PAK2: variants seen among roughly 807,000 people sequenced by gnomAD.
PAK2 encodes serine/threonine-protein kinase PAK 2.
PAK2 carries 21 observed loss-of-function variants against 65.9 expected under a neutral mutation model. The ratio of observed to expected loss-of-function variants is 0.32; its 90% confidence interval spans 0.23 to 0.46. The LOEUF (loss-of-function observed/expected upper bound fraction) is 0.46. PAK2 is among the 20% of genes least tolerant of loss of function. The probability of loss-of-function intolerance (pLI) is 1.00; values close to 1 mark genes in which losing one functional copy is unlikely to be tolerated. For synonymous variants in PAK2, 204 were observed against 219.7 expected, an observed-to-expected ratio of 0.93 and a Z score of 0.63; for missense variants, 324 against 642.6, an observed-to-expected ratio of 0.50 and a Z score of 5.36.
At chr3:196,782,555 A>G (rs1714749330) in intron 1 of PAK2, 71 bp from the exon 2 acceptor site, 2 of 670,682 alleles carry the variant, frequency 3.0e-6, no homozygotes, top group South Asian at 2.0e-5. Context: ...TGGCAGGGGT[A>G]GTTATTACTG....
At chr3:196,786,279 C>T (rs1054403272) in intron 2 of PAK2, among the ~76,000 whole-genome samples, 3 of 151,884 alleles carry the variant, frequency 2.0e-5, no homozygotes, top group Admixed American at 6.6e-5. Flanking sequence ...TCTCCTGCCT[C>T]AGCCTCCCGA....
intron 8 of PAK2, among the ~76,000 whole-genome samples, chr3:196,811,580 G>C (rs1206425319): frequency 2.0e-5 from 3 of 150,842 alleles, no homozygotes; most frequent in Non-Finnish European, 2.9e-5. Context: ...TTCAATTGCA[G>C]CACTGGTTTT....
chr3:196,825,535 C>G (rs1159048593), intron 13 of PAK2, among the ~76,000 whole-genome samples: 1 of 151,840 alleles, frequency 6.6e-6, no homozygotes, highest in Middle Eastern at 3.4e-3. Flanking sequence ...CCCAGCTACT[C>G]GGAAGGCTGA....
Position 196,818,053 on chromosome 3 carries a change from T to G in PAK2, c.1054-4T>G, listed in dbSNP as rs772514101. On this transcript the variant is annotated splice_region_variant and splice_polypyrimidine_tract_variant and intron_variant, in intron 11 of 14. Coordinates refer to ENST00000327134, the MANE Select transcript of PAK2 (RefSeq NM_002577.4). ...TCATTAATAGGTGTTTTTCTTCTGT[T>G]CAGTGTTTACAGGCATTGGAGTTTT... 1 of 1,243,750 alleles carries G rather than the reference T, an allele frequency of 8.0e-7. No individual in the cohort carries two copies. Among genetic ancestry groups the G allele is most frequent in the Admixed American group, 1.7e-5 (1 of 58,496 alleles). 77.0% of individuals were successfully genotyped at this position (1,243,750 alleles called of 1,614,324 possible).
intron 1 of PAK2, among the ~76,000 whole-genome samples, chr3:196,742,774 G>A (rs539813846): frequency 0.011 from 1,643 of 152,206 alleles, 17 homozygotes; most frequent in Non-Finnish European, 0.014. Context: ...AAAATTAGCC[G>A]GGCTTGGTGG....
intron 8 of PAK2, 90 bp from the exon 9 acceptor site, chr3:196,812,129 T>C (rs1031402457): frequency 2.5e-6 from 2 of 799,108 alleles, no homozygotes; most frequent in Non-Finnish European, 4.4e-6. Context: ...TTTAATTCTT[T>C]TTCAATTGCT....
intron 1 of PAK2, among the ~76,000 whole-genome samples, chr3:196,759,545 A>C (rs1461763608): frequency 1.1e-5 from 1 of 87,788 alleles, no homozygotes. Context: ...TTTGAGATAG[A>C]GTCTTGCTCT....
chr3:196,807,926 A>G lies in PAK2; in HGVS notation c.709+12A>G, dbSNP rs1560111879. The G allele has an allele frequency of 6.3e-7, 1 of 1,585,794 alleles. No homozygotes were observed. The highest frequency in any genetic ancestry group is 1.3e-5 in the African/African-American group (1 of 74,448). ...TATGGAGAAATTAAGTATGTTATCT[A>G]CATTTTACATCATTGTTAAATTGTT... On this transcript the variant is annotated intron_variant, in intron 7 of 14. Transcript: ENST00000327134.
At position 196,829,338 on chromosome 3, in the gene PAK2, T is replaced by C. The variant is rs1711988814; in HGVS notation, c.*933T>C. Reference sequence around the variant, plus strand: ...TTCAATTTGGAAATAAATTTCTGTATATGTTGCAATTTTAGGTTTAGGTTT... The same window carrying C: ...TTCAATTTGGAAATAAATTTCTGTACATGTTGCAATTTTAGGTTTAGGTTT... On this transcript the variant is annotated 3_prime_UTR_variant, in exon 15 of 15. Transcript: ENST00000327134. The C allele has an allele frequency of 6.6e-6, 1 of 152,634 alleles. No individual in the cohort carries two copies. The highest frequency in any genetic ancestry group is 2.4e-5 in the African/African-American group (1 of 41,442). The allele number at this position is 152,634 out of a possible 1,614,324, so 9.5% of individuals were successfully genotyped here. A position where few individuals can be genotyped will look rare whatever the true frequency, so the allele number is the denominator to read the frequency against.
chr3:196,757,317 T>C (rs973269863), intron 1 of PAK2, among the ~76,000 whole-genome samples: 3 of 152,206 alleles, frequency 2.0e-5, no homozygotes, highest in African/African-American at 7.2e-5. Flanking sequence ...TTAGTGAAAC[T>C]ACGCTGAAGT....
At chr3:196,822,252 CA>C (rs1466640121) in intron 13 of PAK2, among the ~76,000 whole-genome samples, 1 of 152,178 alleles carries the variant, frequency 6.6e-6, no homozygotes, top group Non-Finnish European at 1.5e-5. Context: ...AAAGAACCCA[CA>C]AAAATTCCTG....
rs756090192 is a variant in PAK2 at position 196,806,638 on chromosome 3, A to C, written c.528A>C (p.Glu176Asp). The C allele has an allele frequency of 6.2e-7, 1 of 1,613,356 alleles. No homozygotes were observed. Among genetic ancestry groups the C allele is most frequent in the Non-Finnish European group, 8.5e-7 (1 of 1,179,320 alleles). The change falls in exon 6 of 15, where the codon GAA becomes GAC. Residue 176 changes from glutamate to aspartate, a missense_variant. This residue lies in a region of PAK2 where 183 missense variants were observed against 246.2 expected (regional missense o/e 0.74). Transcript: ENST00000327134. ...TGACAGAGGAGGAGGATGATGATGA[A>C]GAGACTGCTCCTCCCGTTATTGCCC... The part of the protein sequence containing the change: ...AVVTEEEDDD[E>D]ETAPPVIAPR...
rs1342259009 is a variant in PAK2, at chr3:196,762,136, A to G, written c.-21-20490A>G. Among the ~76,000 whole-genome samples the G allele has an allele frequency of 4.0e-4, 44 of 109,114 alleles. 3 individuals are homozygous for G. Among genetic ancestry groups the G allele is most frequent in the African/African-American group, 1.5e-3 (44 of 29,622 alleles). 71.6% of individuals were successfully genotyped at this position (109,114 alleles called of 152,430 possible). A position where few individuals can be genotyped will look rare whatever the true frequency, so the allele number is the denominator to read the frequency against. ...AGAGGCGTCCCCCACATCTCAGACG[A>G]TGGGCGCCCGGGCAGAGACGCTCCT... On this transcript the variant is annotated intron_variant, in intron 1 of 14. Transcript: ENST00000327134.
intron 1 of PAK2, chr3:196,747,201 A>G (rs535167396): frequency 1.2e-4 from 18 of 151,370 alleles, no homozygotes; most frequent in African/African-American, 4.1e-4. Flanking sequence ...CAATGTTAAC[A>G]TTAAGTTAAT....
In PAK2 at chr3:196,820,668, G is replaced by A; in HGVS notation, c.1350+101G>A. ...ACTGTCCAAGAATTTAAAGTAGAAG[G>A]TTGATAAAACCTAATCTCTGCCCCT... On this transcript the variant is annotated intron_variant, in intron 13 of 14. Transcript: ENST00000327134. The surrounding 1 kb of genome is among the most constrained non-coding windows in gnomAD (Gnocchi z 4.6). The A allele has an allele frequency of 1.8e-6, 1 of 564,164 alleles. No individual in the cohort carries two copies. The highest frequency in any genetic ancestry group is 3.1e-6 in the Non-Finnish European group (1 of 327,586). The allele number at this position is 564,164 out of a possible 1,614,324, so 34.9% of individuals were successfully genotyped here. A position where few individuals can be genotyped will look rare whatever the true frequency, so the allele number is the denominator to read the frequency against.
intron 13 of PAK2, among the ~76,000 whole-genome samples, chr3:196,821,268 G>A (rs758196951): frequency 2.0e-5 from 3 of 151,594 alleles, no homozygotes; most frequent in Admixed American, 6.6e-5. Context: ...TGGCAGTTGC[G>A]GTGAGCCAAG....
rs369894357 is a variant in PAK2, at chr3:196,796,151, G to A, written c.188-5776G>A. Among the ~76,000 whole-genome samples, 73 of 152,278 alleles carry A rather than the reference G, an allele frequency of 4.8e-4. 1 individual carries two copies. In the East Asian group the frequency reaches 0.01, roughly 21 times the overall value. ...CTGCCGTGCAGCCGGTTCCTAACAA[G>A]CCTCGGACTCTGGTACCAGTTTGTG... On this transcript the variant is annotated intron_variant, in intron 2 of 14. Coordinates refer to ENST00000327134, the MANE Select transcript of PAK2 (RefSeq NM_002577.4).
intron 1 of PAK2, among the ~76,000 whole-genome samples, chr3:196,753,779 A>ATTT (rs1180243826): frequency 2.4e-4 from 37 of 151,820 alleles, no homozygotes; most frequent in Non-Finnish European, 3.2e-4. Flanking sequence ...GGTGGTAGGA[A>ATTT]TTTTCCTTTT....
intron 2 of PAK2, among the ~76,000 whole-genome samples, chr3:196,792,615 T>C (rs1577725026): frequency 6.6e-6 from 1 of 152,256 alleles, no homozygotes; most frequent in East Asian, 1.9e-4. Flanking sequence ...ACTAAACTAG[T>C]AGTATCTTTG....
Sources: allele counts gnomAD v4.1 joint callset (sites outside exome capture counted in the v4.1 genomes callset), GRCh38; gene constraint gnomAD v4.1.1; regional missense constraint gnomAD v4.1.1; non-coding constraint Gnocchi (gnomAD v3.1); transcripts MANE v1.5; gene names NCBI Gene and HGNC (gene_info 2026-07-23, HGNC 2026-07-21).